Variants in KIRREL3 observed in about 807,000 individuals in gnomAD.
The protein encoded by KIRREL3 is kirre like nephrin family adhesion molecule 3, also known as kin of IRRE-like protein 3.
A neutral mutation model predicts 89.7 loss-of-function variants in KIRREL3; 36 were observed. The observed-to-expected ratio is 0.40, with a 90% confidence interval of 0.31 to 0.53. The LOEUF (loss-of-function observed/expected upper bound fraction) is 0.53. KIRREL3 is among the 20% of genes least tolerant of loss of function. The probability of loss-of-function intolerance (pLI) is 0.49; values close to 1 mark genes in which losing one functional copy is unlikely to be tolerated. For missense variants in KIRREL3, 864 were observed against 1,056.6 expected, an observed-to-expected ratio of 0.82 and a Z score of 2.53; for synonymous variants, 445 against 441.4, an observed-to-expected ratio of 1.01 and a Z score of -0.10.
At chr11:126,789,654 C>T (rs369445968) in intron 1 of KIRREL3, among the ~76,000 whole-genome samples, 2 of 152,192 alleles carry the variant, frequency 1.3e-5, no homozygotes, top group Non-Finnish European at 2.9e-5. Context: ...GTCTCCATCT[C>T]CCCGGAGTTG....
At chr11:126,572,327 T>G (rs1273548508) in intron 1 of KIRREL3, among the ~76,000 whole-genome samples, 1 of 152,178 alleles carries the variant, frequency 6.6e-6, no homozygotes, top group African/African-American at 2.4e-5. Flanking sequence ...CAAGACTGAT[T>G]TGTGAAATTA....
At chr11:126,928,544 G>A (rs569873650) in intron 1 of KIRREL3, among the ~76,000 whole-genome samples, 205 of 152,232 alleles carry the variant, frequency 1.3e-3, no homozygotes, top group African/African-American at 4.6e-3. Flanking sequence ...TCATGAGCTG[G>A]AGGCTGAAGC....
intron 1 of KIRREL3, among the ~76,000 whole-genome samples, chr11:126,914,412 C>T (rs1946954804): frequency 6.6e-6 from 1 of 152,182 alleles, no homozygotes; most frequent in African/African-American, 2.4e-5. Flanking sequence ...ATAAACACAG[C>T]AAGCACCAGA....
chr11:126,706,164 C>A (rs927369179), intron 1 of KIRREL3, among the ~76,000 whole-genome samples: 6 of 152,116 alleles, frequency 3.9e-5, no homozygotes, highest in African/African-American at 1.4e-4. Context: ...AGCCACAGAA[C>A]CATGAAAGTT....
intron 1 of KIRREL3, among the ~76,000 whole-genome samples, chr11:126,659,787 T>G (rs1414447595): frequency 6.6e-6 from 1 of 152,204 alleles, no homozygotes. Context: ...GAACTGGAAT[T>G]TCTATGAGCA....
At position 126,954,854 on chromosome 11, in the gene KIRREL3, G is replaced by A; in HGVS notation, c.55+45601C>T. ...TGGAGTGTTCACCTATCATCATACG[G>A]CAAGCAGCAGCTCTTAGGTAATGAA... On this transcript the variant is annotated intron_variant, in intron 1 of 16. Transcript: ENST00000525144. The surrounding 1 kb of genome is among the most constrained non-coding windows in gnomAD (Gnocchi z 4.1). Among the ~76,000 whole-genome samples the A allele has an allele frequency of 6.6e-6, 1 of 152,130 alleles. No individual in the cohort carries two copies. Among genetic ancestry groups the A allele is most frequent in the Non-Finnish European group, 1.5e-5 (1 of 68,022 alleles).
rs754257565 is a variant in KIRREL3, at chr11:126,562,312, G to A, written c.133+523C>T. Among the ~76,000 whole-genome samples the A allele has an allele frequency of 1.3e-5, 2 of 152,150 alleles. No homozygotes were observed. The highest frequency in any genetic ancestry group is 2.9e-5 in the Non-Finnish European group (2 of 68,026). ...AAGAGGAAGACAGAATGGCCTCTGAGTAAGAGGGAGGGGTAGGGTCAGTGG... is the reference window on the plus strand; with the variant it reads ...AAGAGGAAGACAGAATGGCCTCTGAATAAGAGGGAGGGGTAGGGTCAGTGG... On this transcript the variant is annotated intron_variant, in intron 2 of 16. Transcript: ENST00000525144. The surrounding 1 kb of genome is among the most constrained non-coding windows in gnomAD (Gnocchi z 4.7).
chr11:126,923,846 A>G (rs151174207), intron 1 of KIRREL3, among the ~76,000 whole-genome samples: 155 of 152,290 alleles, frequency 1.0e-3, no homozygotes, highest in Middle Eastern at 3.4e-3. Flanking sequence ...ATGTACCCGA[A>G]TATTTACTGG....
chr11:126,899,578 TG>T (rs1946291431), intron 1 of KIRREL3, among the ~76,000 whole-genome samples: 1 of 152,218 alleles, frequency 6.6e-6, no homozygotes, highest in South Asian at 2.1e-4. Flanking sequence ...TCCTCAAATC[TG>T]GATCACCACT....
rs2134953709 is a variant in KIRREL3, at chr11:126,917,775, C to T, written c.55+82680G>A. On this transcript the variant is annotated intron_variant, in intron 1 of 16. Transcript: ENST00000525144. This position sits in a 1 kb window ranked among gnomAD's most constrained non-coding sequence, Gnocchi z 5.0. ...TCCATTGGCAACCAATACTTTTCTG[C>T]CACTCCACTCATTGTCTAACCTTAG... Among the ~76,000 whole-genome samples, 1 of 152,318 alleles carries T rather than the reference C, an allele frequency of 6.6e-6. No homozygotes were observed. Among genetic ancestry groups the T allele is most frequent in the Non-Finnish European group, 1.5e-5 (1 of 68,028 alleles).
chr11:126,808,474 G>T lies in KIRREL3; in HGVS notation c.55+191981C>A, dbSNP rs1457908194. ...CTTAAGATAAAGGCAGTTTTTCATGGGGTCTGTTTTTTTCCCAGTGACCTC... is the reference window on the plus strand; with the variant it reads ...CTTAAGATAAAGGCAGTTTTTCATGTGGTCTGTTTTTTTCCCAGTGACCTC... On this transcript the variant is annotated intron_variant, in intron 1 of 16. Transcript: ENST00000525144. The surrounding 1 kb of genome is among the most constrained non-coding windows in gnomAD (Gnocchi z 4.1). Among the ~76,000 whole-genome samples, 2 of 152,102 alleles carry T rather than the reference G, an allele frequency of 1.3e-5. No homozygotes were observed. Among genetic ancestry groups the T allele is most frequent in the African/African-American group, 2.4e-5 (1 of 41,402 alleles).
At chr11:126,657,728 G>A (rs574451557) in intron 1 of KIRREL3, among the ~76,000 whole-genome samples, 2 of 152,296 alleles carry the variant, frequency 1.3e-5, no homozygotes, top group African/African-American at 4.8e-5. Flanking sequence ...CACATGGTCT[G>A]GGTGGACCTG....
intron 1 of KIRREL3, among the ~76,000 whole-genome samples, chr11:126,901,012 G>A (rs139590202): frequency 1.3e-5 from 2 of 152,130 alleles, no homozygotes; most frequent in East Asian, 1.9e-4. Flanking sequence ...TCAGGAGTTC[G>A]AGACCAGCCT....
At chr11:126,922,419 G>A (rs2134987842) in intron 1 of KIRREL3, among the ~76,000 whole-genome samples, 2 of 152,156 alleles carry the variant, frequency 1.3e-5, no homozygotes, top group South Asian at 4.2e-4. Context: ...AAACGAAACA[G>A]AAGCCGACAG....
In KIRREL3 at chr11:126,501,790, T is replaced by C. The variant is rs1957874474; in HGVS notation, c.433+19525A>G. Among the ~76,000 whole-genome samples, 1 of 152,178 alleles carries C rather than the reference T, an allele frequency of 6.6e-6. No homozygotes were observed. The highest frequency in any genetic ancestry group is 1.5e-5 in the Non-Finnish European group (1 of 68,036). On this transcript the variant is annotated intron_variant, in intron 4 of 16. Transcript: ENST00000525144. The surrounding 1 kb of genome is among the most constrained non-coding windows in gnomAD (Gnocchi z 5.8). ...TGCCTCCTTTTCCCGCTTCTGTTCC[T>C]AGTTCAACCCCCACCCACATTGTGA...
chr11:126,724,459 C>A lies in KIRREL3; in HGVS notation c.56-161547G>T, dbSNP rs188633202. On this transcript the variant is annotated intron_variant, in intron 1 of 16. Coordinates refer to ENST00000525144, the MANE Select transcript of KIRREL3 (RefSeq NM_032531.4). The surrounding 1 kb of genome is among the most constrained non-coding windows in gnomAD (Gnocchi z 4.3). ...CCAGCAGATGGACACCCTGGAGGTT[C>A]GGAGCCATGTCACTCCCTATCAGCC... Among the ~76,000 whole-genome samples, 1 of 152,144 alleles carries A rather than the reference C, an allele frequency of 6.6e-6. No homozygotes were observed. The highest frequency in any genetic ancestry group is 2.4e-5 in the African/African-American group (1 of 41,454).
At chr11:126,434,274 G>A (rs1955238609) in intron 13 of KIRREL3, among the ~76,000 whole-genome samples, 2 of 152,258 alleles carry the variant, frequency 1.3e-5, no homozygotes, top group Admixed American at 1.3e-4. Context: ...AGGAGCCACC[G>A]AGGGGGGAAG....
intron 4 of KIRREL3, among the ~76,000 whole-genome samples, chr11:126,507,855 G>A: frequency 6.6e-6 from 1 of 152,236 alleles, no homozygotes; most frequent in Non-Finnish European, 1.5e-5. Flanking sequence ...CTAGGGCTCA[G>A]CGTTGTCTGG....
intron 1 of KIRREL3, among the ~76,000 whole-genome samples, chr11:126,632,884 G>C (rs2134891845): frequency 7.1e-6 from 1 of 140,736 alleles, no homozygotes; most frequent in Admixed American, 7.2e-5. Flanking sequence ...TTGAGGTCAG[G>C]ATTTTGAGAC....
Sources: gnomAD v4.1 joint callset for allele counts (sites outside exome capture counted in the v4.1 genomes callset) on GRCh38, gnomAD v4.1.1 for gene constraint, Gnocchi (gnomAD v3.1) non-coding constraint, MANE v1.5 for transcripts, NCBI Gene and HGNC (gene_info 2026-07-23, HGNC 2026-07-21) for gene names.